The following RRM2 variants were observed in gnomAD, a reference collection of about 807,000 sequenced individuals.
RRM2 encodes ribonucleotide reductase regulatory subunit M2.
A neutral mutation model predicts 45.9 loss-of-function variants in RRM2; 6 were observed. The ratio of observed to expected loss-of-function variants is 0.13; its 90% CI spans 0.07 to 0.26. RRM2 has a LOEUF of 0.26. Among genes scored for constraint, RRM2 ranks in the 10% least tolerant of loss-of-function variants. The pLI is 1.00. For missense variants in RRM2, 343 were observed against 489.5 expected (o/e 0.70, Z 2.82); for synonymous variants, 177 against 173.0 (o/e 1.02, Z -0.18).
At position 10,185,148 on chromosome 2, in the gene RRM2, A is replaced by G. The variant is rs1558401063; in HGVS notation, n.483-25163A>G. Among the ~76,000 whole-genome samples, 2 of 152,156 alleles carry G rather than the reference A, an allele frequency of 1.3e-5. No homozygotes were observed. The highest frequency in any genetic ancestry group is 2.4e-5 in the African/African-American group (1 of 41,436). On this transcript the variant is annotated intron_variant and non_coding_transcript_variant, in intron 3 of 3. Coordinates refer to the RRM2 transcript ENST00000381786. The surrounding 1 kb of genome is among the most constrained non-coding windows in gnomAD (Gnocchi z 4.3). Reference sequence around the variant, plus strand: ...GACTAATGCTTATTTTCCCTTTTGTATCAGTATTTTAACAAATGCTTTGGA... The same window carrying G: ...GACTAATGCTTATTTTCCCTTTTGTGTCAGTATTTTAACAAATGCTTTGGA...
At chr2:10,142,334 CG>C (rs1558385990) in exon 3 of RRM2, 2 of 1,381,356 alleles carry the variant, frequency 1.4e-6, no homozygotes, top group Non-Finnish European at 1.9e-6. Context: ...AGGTGTTACT[CG>C]GGGTGCGCCA....
intron 3 of RRM2, among the ~76,000 whole-genome samples, chr2:10,154,570 G>A (rs1164659871): frequency 6.6e-6 from 1 of 151,636 alleles, no homozygotes; most frequent in Non-Finnish European, 1.5e-5. Context: ...CACAAAGCAA[G>A]CAAGTGATCT....
rs142796388 is a variant in RRM2, at chr2:10,158,342, T to C, written n.482+15967T>C. ...TGCGCATCATTATTCTGGCTTGTGCTCATGTAGCCTGTAAGTGGCCTGGCC... is the reference window on the plus strand; with the variant it reads ...TGCGCATCATTATTCTGGCTTGTGCCCATGTAGCCTGTAAGTGGCCTGGCC... On this transcript the variant is annotated intron_variant and non_coding_transcript_variant, in intron 3 of 3. Coordinates refer to the RRM2 transcript ENST00000381786. Among the ~76,000 whole-genome samples the C allele has an allele frequency of 2.6e-3, 402 of 152,254 alleles. 1 individual carries two copies. The highest frequency in any genetic ancestry group is 4.8e-3 in the Non-Finnish European group (325 of 68,018).
intron 3 of RRM2, among the ~76,000 whole-genome samples, chr2:10,167,340 G>A (rs1186602313): frequency 6.6e-6 from 1 of 152,204 alleles, no homozygotes; most frequent in Non-Finnish European, 1.5e-5. Flanking sequence ...AAGCTGATCC[G>A]AGGGCCCAGG....
In RRM2 at chr2:10,182,704, G is replaced by A. The variant is rs540479535; in HGVS notation, n.483-27607G>A. On this transcript the variant is annotated intron_variant and non_coding_transcript_variant, in intron 3 of 3. Transcript: ENST00000381786. ...CTTAATAGGATGAGCCATGAGGACC[G>A]GCAGCTACATATCAGTGGTTTGAAG... Among the ~76,000 whole-genome samples the A allele has an allele frequency of 1.6e-4, 24 of 152,262 alleles. 1 individual carries two copies. The South Asian group carries it at 2.9e-3, about 18-fold the overall frequency.
chr2:10,142,353 C>T (rs776376162), exon 3 of RRM2: 25 of 1,374,668 alleles, frequency 1.8e-5, no homozygotes, highest in South Asian at 1.7e-4. Context: ...CCAGTGGAAG[C>T]GGGAGGCAGT....
At chr2:10,153,893 G>A (rs1663369590) in intron 3 of RRM2, among the ~76,000 whole-genome samples, 1 of 152,192 alleles carries the variant, frequency 6.6e-6, no homozygotes, top group Non-Finnish European at 1.5e-5. Context: ...AGGGGAGAAG[G>A]GAGAGGTGCT....
intron 3 of RRM2, among the ~76,000 whole-genome samples, chr2:10,189,045 G>A (rs1289068587): frequency 1.3e-5 from 2 of 152,202 alleles, no homozygotes. Context: ...ACTGGTGAAA[G>A]AGGGCACACA....
chr2:10,163,721 T>C (rs1663618950), intron 3 of RRM2, among the ~76,000 whole-genome samples: 1 of 152,250 alleles, frequency 6.6e-6, no homozygotes, highest in Non-Finnish European at 1.5e-5. Flanking sequence ...GCTCTGTCCC[T>C]GCCCTAGTGG....
In RRM2 at chr2:10,124,923, C is replaced by G; in HGVS notation, c.569+73C>G. ...TGATTTATTACACATTTTTAGTTCA[C>G]CTAGGGATAAAAATGACTCCAGAAT... On this transcript the variant is annotated intron_variant, in intron 5 of 9. Coordinates refer to ENST00000304567, the MANE Select transcript of RRM2 (RefSeq NM_001034.4). The G allele has an allele frequency of 2.8e-6, 4 of 1,405,482 alleles. No homozygotes were observed. In the South Asian group the frequency reaches 5.1e-5, roughly 18 times the overall value. 87.1% of individuals were successfully genotyped at this position (1,405,482 alleles called of 1,614,324 possible).
intron 3 of RRM2, among the ~76,000 whole-genome samples, chr2:10,154,638 C>T (rs1244153747): frequency 6.7e-6 from 1 of 149,928 alleles, no homozygotes; most frequent in Non-Finnish European, 1.5e-5. Flanking sequence ...CGCTGAGTGG[C>T]TAATAAATAT....
At chr2:10,175,956 T>C (rs2125323895) in intron 3 of RRM2, among the ~76,000 whole-genome samples, 1 of 152,322 alleles carries the variant, frequency 6.6e-6, no homozygotes. Context: ...GGTGGATTCA[T>C]ACAGTACTTG....
In RRM2 at chr2:10,123,419, T is replaced by C. The variant is rs1344546795; in HGVS notation, c.207T>C (p.Asp69=). 1 of 1,613,972 alleles carries C rather than the reference T, an allele frequency of 6.2e-7. No individual in the cohort carries two copies. Among genetic ancestry groups the C allele is most frequent in the South Asian group, 1.1e-5 (1 of 91,084 alleles). ...AAGCAGCTGCCCCCGGCGTGGAGGA[T>C]GAGCCGCTGCTGAGAGAAAACCCCC... ...KTKAAAPGVE[D]EPLLRENPRR... Residue 69 remains aspartate (D), a synonymous_variant, in exon 3 of 10, where the codon GAT becomes GAC. Transcript: ENST00000304567.
chr2:10,203,813 G>A (rs1261214672), intron 3 of RRM2, among the ~76,000 whole-genome samples: 1 of 151,850 alleles, frequency 6.6e-6, no homozygotes, highest in South Asian at 2.1e-4. Context: ...CATGCACTCC[G>A]GCTCCACCTT....
chr2:10,200,434 C>T (rs972825024), intron 3 of RRM2, among the ~76,000 whole-genome samples: 10 of 137,798 alleles, frequency 7.3e-5, no homozygotes, highest in East Asian at 4.7e-4. Flanking sequence ...AGGGACCGCG[C>T]GCGCAAAATA....
intron 3 of RRM2, among the ~76,000 whole-genome samples, chr2:10,178,088 ATTT>A (rs368820243): frequency 6.8e-6 from 1 of 148,000 alleles, no homozygotes; most frequent in South Asian, 2.2e-4. Context: ...CGCCCGGCTA[ATTT>A]TTTTTTTCGT....
intron 3 of RRM2, among the ~76,000 whole-genome samples, chr2:10,199,685 CG>C (rs1664497667): frequency 7.2e-6 from 1 of 138,134 alleles, no homozygotes; most frequent in Non-Finnish European, 1.5e-5. Flanking sequence ...GAGGCTGAGG[CG>C]GGAGAATGGC....
intron 5 of RRM2, among the ~76,000 whole-genome samples, chr2:10,126,221 C>T (rs1662778152): frequency 7.3e-6 from 1 of 136,398 alleles, no homozygotes; most frequent in African/African-American, 2.8e-5. Flanking sequence ...CCCTTGGCTT[C>T]AGAACACAAA....
chr2:10,196,488 C>T (rs559257505), intron 3 of RRM2, among the ~76,000 whole-genome samples: 53 of 152,222 alleles, frequency 3.5e-4, no homozygotes, highest in African/African-American at 1.2e-3. Context: ...TGGGAGTGGA[C>T]GTTGAGGACA....
Sources: gnomAD v4.1 joint callset for allele counts (sites outside exome capture counted in the v4.1 genomes callset) on GRCh38, gnomAD v4.1.1 for gene constraint, Gnocchi (gnomAD v3.1) non-coding constraint, MANE v1.5 for transcripts, NCBI Gene and HGNC (gene_info 2026-07-23, HGNC 2026-07-21) for gene names.